Variants in SLC6A19 observed in about 807,000 individuals in gnomAD.
The protein encoded by SLC6A19 is sodium-dependent neutral amino acid transporter B(0)AT1.
A neutral mutation model predicts 68.3 loss-of-function variants in SLC6A19; 67 were observed. The ratio of observed to expected loss-of-function variants is 0.98; its 90% CI spans 0.81 to 1.20. The LOEUF is 1.20. SLC6A19 is among the 50% of genes most tolerant of loss of function. SLC6A19 has a pLI of 0.00. For synonymous variants in SLC6A19, 392 were observed against 374.9 expected (o/e 1.05, Z -0.53); for missense variants, 813 against 851.6 (o/e 0.95, Z 0.56).
intron 1 of SLC6A19, among the ~76,000 whole-genome samples, chr5:1,204,438 G>A (rs991087800): frequency 4.6e-5 from 7 of 152,240 alleles, no homozygotes; most frequent in Admixed American, 6.5e-5. Context: ...TGGGGGCAGT[G>A]GGCAGGTGTG....
In SLC6A19 at chr5:1,212,974, GC is replaced by G. The variant is rs1746086627; in HGVS notation, c.664-483del. Among the ~76,000 whole-genome samples the G allele has an allele frequency of 1.0e-5, 1 of 97,552 alleles. No individual in the cohort carries two copies. Among genetic ancestry groups the G allele is most frequent in the Admixed American group, 1.1e-4 (1 of 9,004 alleles). 64.0% of individuals were successfully genotyped at this position (97,552 alleles called of 152,430 possible). A position where few individuals can be genotyped will look rare whatever the true frequency, so the allele number is the denominator to read the frequency against. On this transcript the variant is annotated intron_variant, in intron 4 of 11. Transcript: ENST00000304460. The surrounding 1 kb of genome is among the most constrained non-coding windows in gnomAD (Gnocchi z 5.1). ...CCACATGCCCCCCACCACAAGCACGGCCCCCCTCCGCACCATCCCAAATACC... is the reference window on the plus strand; with the variant it reads ...CCACATGCCCCCCACCACAAGCACGGCCCCCTCCGCACCATCCCAAATACC...
intron 3 of SLC6A19, among the ~76,000 whole-genome samples, chr5:1,211,630 G>T (rs1020184424): frequency 6.6e-6 from 1 of 152,240 alleles, no homozygotes; most frequent in African/African-American, 2.4e-5. Flanking sequence ...GTGCATGTGT[G>T]CTATGTGTGT....
chr5:1,209,181 T>A lies in SLC6A19; in HGVS notation c.343+295T>A, dbSNP rs895382411. Among the ~76,000 whole-genome samples, 17 of 151,768 alleles carry A rather than the reference T, an allele frequency of 1.1e-4. No individual in the cohort carries two copies. Among genetic ancestry groups the A allele is most frequent in the African/African-American group, 3.9e-4 (16 of 41,306 alleles). On this transcript the variant is annotated intron_variant, in intron 2 of 11. Transcript: ENST00000304460. This position sits in a 1 kb window ranked among gnomAD's most constrained non-coding sequence, Gnocchi z 5.5. ...AGAGTGACCACTCAAGCCCTGCCCA[T>A]GGCGGCGCTCAGCGAGAGCCCAGGG...
chr5:1,221,202 G>A lies in SLC6A19; in HGVS notation c.1590G>A (p.Trp530Ter). 1.2e-6 allele frequency: 2 copies of A among 1,614,134 alleles called. No individual in the cohort carries two copies. The highest frequency in any genetic ancestry group is 1.7e-5 in the Admixed American group (1 of 60,012). Residue 530 changes from tryptophan (W) to a stop codon, truncating the protein, a stop_gained, in exon 11 of 12, where the codon TGG becomes TGA. Transcript: ENST00000304460. LOFTEE classifies it high-confidence loss of function. The part of the protein sequence containing the change: ...FMIGHKPNIF[W>*]QVTWRVVSPL... The stretch of plus-strand genomic sequence containing the variant: ...TCGGCCACAAGCCCAACATCTTCTG[G>A]CAAGTCACGTGGCGCGTGGTCAGCC...
At chr5:1,218,642 C>G (rs1184481782) in intron 8 of SLC6A19, among the ~76,000 whole-genome samples, 1 of 152,244 alleles carries the variant, frequency 6.6e-6, no homozygotes, top group Non-Finnish European at 1.5e-5. Context: ...CTCAGAAGCT[C>G]CCTGTGTTGG....
chr5:1,221,393 C>T (rs1746377824), intron 11 of SLC6A19, 80 bp downstream of exon 11: 1 of 1,532,964 alleles, frequency 6.5e-7, no homozygotes. Context: ...ACACATGGCG[C>T]ATGCACACAC....
chr5:1,210,518 T>C lies in SLC6A19; in HGVS notation c.418T>C (p.Leu140=). The C allele has an allele frequency of 6.2e-7, 1 of 1,613,500 alleles. No individual in the cohort carries two copies. The highest frequency in any genetic ancestry group is 1.3e-5 in the African/African-American group (1 of 75,048). ...CATCATCTCCTGGATCATGTGGTAC[T>C]TATTCAACTCCTTCCAGGAGCCTCT... The part of the protein sequence containing the change: ...NTIISWIMWY[L]FNSFQEPLPW... The change falls in exon 3 of 12, where the codon TTA becomes CTA. Residue 140 remains leucine, a synonymous_variant. Coordinates refer to ENST00000304460, the MANE Select transcript of SLC6A19 (RefSeq NM_001003841.3).
chr5:1,218,167 G>GT (rs1746259709), intron 8 of SLC6A19, among the ~76,000 whole-genome samples: 1 of 152,232 alleles, frequency 6.6e-6, no homozygotes, highest in Non-Finnish European at 1.5e-5. Flanking sequence ...ACGTCCTGCT[G>GT]TGCAAGGGGT....
At position 1,221,285 on chromosome 5, in the gene SLC6A19, T is replaced by C. The variant is rs1292949726; in HGVS notation, c.1673T>C (p.Leu558Pro). ...FFFVVEVSQE[L>P]TYSIWDPGYE... ...TTCGTGGTAGAGGTCAGTCAGGAGC[T>C]GACCTACAGCATCTGGGACCCTGGC... is the stretch of plus-strand genomic sequence containing the variant. The change falls in exon 11 of 12, where the codon CTG (leucine) becomes CCG (proline). Residue 558 changes from leucine to proline, a missense_variant. Transcript: ENST00000304460. 4 of 1,613,878 alleles carry C rather than the reference T, an allele frequency of 2.5e-6. No individual in the cohort carries two copies. The South Asian group carries it at 4.4e-5, about 18-fold the overall frequency.
At chr5:1,219,129 G>C in intron 9 of SLC6A19, 22 bp downstream of exon 9, 1 of 1,596,680 alleles carries the variant, frequency 6.3e-7, no homozygotes, top group South Asian at 1.1e-5. Flanking sequence ...GTCGGGAGGG[G>C]TCCCCATGGC....
In SLC6A19 at chr5:1,222,200, T is replaced by A. The variant is rs56820463; in HGVS notation, c.*296T>A. 0.011 allele frequency: 6,238 copies of A among 591,936 alleles called. 321 individuals are homozygous for A. The highest frequency in any genetic ancestry group is 0.11 in the African/African-American group (5,656 of 53,830). 36.7% of individuals were successfully genotyped at this position (591,936 alleles called of 1,614,324 possible). A position where few individuals can be genotyped will look rare whatever the true frequency, so the allele number is the denominator to read the frequency against. On this transcript the variant is annotated 3_prime_UTR_variant, in exon 12 of 12. Coordinates refer to ENST00000304460, the MANE Select transcript of SLC6A19 (RefSeq NM_001003841.3). ...AGATGTGTCATGTTGTGTGTGTGCA[T>A]GTACATGTATGGACATTGTGTGAGT... is the stretch of plus-strand genomic sequence containing the variant.
At position 1,213,449 on chromosome 5, in the gene SLC6A19, C is replaced by T. The variant is rs778201756; in HGVS notation, c.664-14C>T. ...CCAACTTCCCGCCCATCCCACATGTCCCGCCCTCCGCAGGCCGTGTACATC... is the reference window on the plus strand; with the variant it reads ...CCAACTTCCCGCCCATCCCACATGTTCCGCCCTCCGCAGGCCGTGTACATC... On this transcript the variant is annotated splice_polypyrimidine_tract_variant and intron_variant, in intron 4 of 11. Transcript: ENST00000304460. 2 of 1,347,776 alleles carry T rather than the reference C, an allele frequency of 1.5e-6. No individual in the cohort carries two copies. The highest frequency in any genetic ancestry group is 8.0e-5 in the East Asian group (2 of 24,914). The allele number at this position is 1,347,776 out of a possible 1,614,324, so 83.5% of individuals were successfully genotyped here. A position where few individuals can be genotyped will look rare whatever the true frequency, so the allele number is the denominator to read the frequency against.
At position 1,212,510 on chromosome 5, in the gene SLC6A19, C is replaced by T. The variant is rs1336737490; in HGVS notation, c.663+26C>T. On this transcript the variant is annotated intron_variant, in intron 4 of 11. Transcript: ENST00000304460. The surrounding 1 kb of genome is among the most constrained non-coding windows in gnomAD (Gnocchi z 5.1). ...GTACTGCATGGGCCCGGCCAGGCTGCAGGTGCTCCAGAGGGCGGGTGCGGG... is the reference window on the plus strand; with the variant it reads ...GTACTGCATGGGCCCGGCCAGGCTGTAGGTGCTCCAGAGGGCGGGTGCGGG... 6 of 1,602,790 alleles carry T rather than the reference C, an allele frequency of 3.7e-6. No homozygotes were observed. The highest frequency in any genetic ancestry group is 5.1e-6 in the Non-Finnish European group (6 of 1,179,576).
At chr5:1,205,241 C>T (rs1321054412) in intron 1 of SLC6A19, among the ~76,000 whole-genome samples, 2 of 152,264 alleles carry the variant, frequency 1.3e-5, no homozygotes, top group Admixed American at 6.5e-5. Context: ...TTCTCTCCTT[C>T]CTCTGCACCT....
chr5:1,206,080 G>A (rs746805442), intron 1 of SLC6A19, among the ~76,000 whole-genome samples: 7 of 152,212 alleles, frequency 4.6e-5, no homozygotes, highest in Non-Finnish European at 1.0e-4. Flanking sequence ...GGCTCCAGAG[G>A]GCCCTGCTCC....
At position 1,201,796 on chromosome 5, in the gene SLC6A19, G is replaced by A. The variant is rs796064507; in HGVS notation, c.146G>A (p.Cys49Tyr). 2.5e-6 allele frequency: 4 copies of A among 1,612,648 alleles called. No individual in the cohort carries two copies. Among genetic ancestry groups the A allele is most frequent in the Non-Finnish European group, 3.4e-6 (4 of 1,179,902 alleles). ...TACATGCTCACCTGCCTGGGCTTCT[G>A]CGTGGGCCTCGGCAACGTGTGGCGC... ...AQYMLTCLGFCVGLGNVWRFP... is the reference protein window; with the variant it reads ...AQYMLTCLGFYVGLGNVWRFP... Residue 49 changes from cysteine (C) to tyrosine (Y), a missense_variant, in exon 1 of 12, where the codon TGC becomes TAC. Transcript: ENST00000304460.
chr5:1,202,110 G>A lies in SLC6A19; in HGVS notation c.202+258G>A, dbSNP rs537804244. Among the ~76,000 whole-genome samples the A allele has an allele frequency of 2.5e-3, 381 of 152,296 alleles. 1 individual carries two copies. Among genetic ancestry groups the A allele is most frequent in the African/African-American group, 8.7e-3 (361 of 41,574 alleles). On this transcript the variant is annotated intron_variant, in intron 1 of 11. Coordinates refer to ENST00000304460, the MANE Select transcript of SLC6A19 (RefSeq NM_001003841.3). ...GCTCCAGGGAGGGCCCTGTGTTCCA[G>A]ACTGGCAGTCCTGGAACGTTCTGGC...
Position 1,216,557 on chromosome 5 carries a change from G to T in SLC6A19, c.888-1G>T. ...CGCCATGACACTGGTCTCGTCTGCAGCAACAACTGCGAGAAGGACTCGGTG... is the reference window on the plus strand; with the variant it reads ...CGCCATGACACTGGTCTCGTCTGCATCAACAACTGCGAGAAGGACTCGGTG... On this transcript the variant is annotated splice_acceptor_variant, in intron 6 of 11. Transcript: ENST00000304460. LOFTEE classifies it high-confidence loss of function. 1 of 1,614,128 alleles carries T rather than the reference G, an allele frequency of 6.2e-7. No homozygotes were observed. Among genetic ancestry groups the T allele is most frequent in the Non-Finnish European group, 8.5e-7 (1 of 1,180,032 alleles).
chr5:1,208,954 G>A (rs1005660014), intron 2 of SLC6A19, 68 bp downstream of exon 2: 119 of 1,550,300 alleles, frequency 7.7e-5, no homozygotes, highest in Non-Finnish European at 9.0e-5. Context: ...TTCCACCCGG[G>A]CCCAGGGTTC....
Sources: gnomAD v4.1 joint callset for allele counts (sites outside exome capture counted in the v4.1 genomes callset) on GRCh38, gnomAD v4.1.1 for gene constraint, Gnocchi (gnomAD v3.1) non-coding constraint, MANE v1.5 for transcripts, NCBI Gene and HGNC (gene_info 2026-07-23, HGNC 2026-07-21) for gene names.